The following SMCO4 variants were observed in gnomAD, a reference collection of about 807,000 sequenced individuals.
SMCO4 encodes single-pass membrane protein with coiled-coil domains 4, also known as single-pass membrane and coiled-coil domain-containing protein 4.
Under a neutral mutation model 3.6 loss-of-function variants are expected in SMCO4, and 4 were observed. The observed-to-expected ratio is 1.11, with a 90% CI of 0.54 to 2.53. The LOEUF (loss-of-function observed/expected upper bound fraction) is 2.53, where lower values mean the gene tolerates loss of function less well. Ranked by LOEUF, SMCO4 falls within the 30% of genes most tolerant of loss-of-function variation. The pLI, the probability that SMCO4 is intolerant of heterozygous loss-of-function variation, is 0.02. For missense variants in SMCO4, 70 were observed against 80.8 expected, an observed-to-expected ratio of 0.87 and a Z score of 0.51; for synonymous variants, 36 against 35.3, an observed-to-expected ratio of 1.02 and a Z score of -0.07.
In SMCO4 at chr11:93,535,940, T is replaced by C. The variant is rs962498208; in HGVS notation, c.-154+7336A>G. On this transcript the variant is annotated intron_variant, in intron 1 of 2. Coordinates refer to ENST00000298966, the MANE Select transcript of SMCO4 (RefSeq NM_020179.3). ...GTGTTTTCACATAAGATTAGGGTCT[T>C]TTTGGAAAGAATAGTTGCAGTGTTT... 3.3e-6 allele frequency: 5 copies of C among 1,495,232 alleles called. No homozygotes were observed. In the South Asian group the frequency reaches 6.6e-5, roughly 20 times the overall value. 92.6% of individuals were successfully genotyped at this position (1,495,232 alleles called of 1,614,324 possible).
At chr11:93,550,531 C>T in the SMCO4 span, among the ~76,000 whole-genome samples, 4 of 152,036 alleles carry the variant, frequency 2.6e-5, no homozygotes, top group Non-Finnish European at 5.9e-5. Context: ...TAAAAATAGC[C>T]AGGCGTGGTG....
At chr11:93,508,786 T>A (rs1948931644) in intron 1 of SMCO4, among the ~76,000 whole-genome samples, 1 of 152,084 alleles carries the variant, frequency 6.6e-6, no homozygotes, top group African/African-American at 2.4e-5. Flanking sequence ...GAAAATTGGT[T>A]CCTATTTCCA....
chr11:93,547,404 A>G (rs1388925318), upstream of SMCO4, among the ~76,000 whole-genome samples: 1 of 152,158 alleles, frequency 6.6e-6, no homozygotes, highest in Non-Finnish European at 1.5e-5. Context: ...CCACTACATA[A>G]TCTCTCGGGC....
At chr11:93,480,278 T>G (rs1948576411) in intron 2 of SMCO4, among the ~76,000 whole-genome samples, 1 of 152,120 alleles carries the variant, frequency 6.6e-6, no homozygotes, top group Non-Finnish European at 1.5e-5. Flanking sequence ...ACTCCCAGTG[T>G]GAGGATGCCA....
chr11:93,503,316 A>G (rs188140206), intron 1 of SMCO4, among the ~76,000 whole-genome samples: 25 of 152,298 alleles, frequency 1.6e-4, no homozygotes, highest in Admixed American at 1.5e-3. Flanking sequence ...TTCCCTTATA[A>G]AACTATCAGA....
chr11:93,542,810 G>C (rs1273288470), intron 1 of SMCO4, among the ~76,000 whole-genome samples: 1 of 151,576 alleles, frequency 6.6e-6, no homozygotes, highest in Non-Finnish European at 1.5e-5. Context: ...TCCACTCCCA[G>C]AGACCCTGAG....
At chr11:93,504,387 G>A (rs1948879244) in intron 1 of SMCO4, among the ~76,000 whole-genome samples, 1 of 152,200 alleles carries the variant, frequency 6.6e-6, no homozygotes, top group Non-Finnish European at 1.5e-5. Flanking sequence ...CTTTGAAGAG[G>A]ATAACCTGAA....
chr11:93,543,226 G>A, intron 1 of SMCO4, 50 bp downstream of exon 1: 1 of 144,400 alleles, frequency 6.9e-6, no homozygotes, highest in South Asian at 1.9e-4. Flanking sequence ...GCGCCCGCCC[G>A]CCGGCTCGCC....
chr11:93,480,357 A>G (rs1591299768), intron 2 of SMCO4, among the ~76,000 whole-genome samples: 1 of 151,766 alleles, frequency 6.6e-6, no homozygotes, highest in Non-Finnish European at 1.5e-5. Context: ...CACCATGACC[A>G]CCCCCAAAAA....
At chr11:93,521,424 G>A (rs554418394) in intron 1 of SMCO4, among the ~76,000 whole-genome samples, 1 of 152,076 alleles carries the variant, frequency 6.6e-6, no homozygotes, top group South Asian at 2.1e-4. Flanking sequence ...CACTAAACTC[G>A]AGCTAACTCA....
At chr11:93,494,012 T>C (rs536571567) in intron 2 of SMCO4, among the ~76,000 whole-genome samples, 2 of 152,282 alleles carry the variant, frequency 1.3e-5, no homozygotes, top group Non-Finnish European at 1.5e-5. Context: ...GATGAGGAAA[T>C]TGTGATAGCC....
upstream of SMCO4, among the ~76,000 whole-genome samples, chr11:93,543,965 TAAATAAATGAGATTCAC>T (rs1427173605): frequency 6.6e-6 from 1 of 152,176 alleles, no homozygotes. Flanking sequence ...CAGCTCAGCA[TAAATAAATGAGATTCAC>T]AATTCCCCAC....
At chr11:93,542,799 G>C (rs1219600413) in intron 1 of SMCO4, among the ~76,000 whole-genome samples, 2 of 151,350 alleles carry the variant, frequency 1.3e-5, no homozygotes, top group African/African-American at 4.9e-5. Context: ...CCGGACTCTT[G>C]TCCACTCCCA....
At chr11:93,480,588 G>A (rs201683863) in intron 2 of SMCO4, among the ~76,000 whole-genome samples, 28 of 152,178 alleles carry the variant, frequency 1.8e-4, no homozygotes, top group Non-Finnish European at 3.8e-4. Flanking sequence ...CAATATTCTC[G>A]GAGAGTAGCA....
chr11:93,484,676 C>T (rs2134571449), intron 2 of SMCO4, among the ~76,000 whole-genome samples: 1 of 147,970 alleles, frequency 6.8e-6, no homozygotes, highest in Admixed American at 7.2e-5. Flanking sequence ...ATCTGGGAAA[C>T]ACCAGGGAAT....
chr11:93,537,287 C>G (rs1253411780), intron 1 of SMCO4, among the ~76,000 whole-genome samples: 2 of 152,230 alleles, frequency 1.3e-5, no homozygotes, highest in African/African-American at 4.8e-5. Flanking sequence ...CCAAGACTGG[C>G]AGCCCTGAAG....
chr11:93,521,817 T>G (rs1591322202), intron 1 of SMCO4, among the ~76,000 whole-genome samples: 1 of 152,088 alleles, frequency 6.6e-6, no homozygotes, highest in African/African-American at 2.4e-5. Context: ...AGAGAGAACA[T>G]CCCTGCCGCC....
chr11:93,481,057 C>T (rs1311931871), intron 2 of SMCO4, among the ~76,000 whole-genome samples: 1 of 152,000 alleles, frequency 6.6e-6, no homozygotes, highest in Admixed American at 6.6e-5. Flanking sequence ...AAAAAAACAC[C>T]TACTATTACT....
chr11:93,495,061 C>T (rs1948758890), intron 2 of SMCO4, among the ~76,000 whole-genome samples: 1 of 151,950 alleles, frequency 6.6e-6, no homozygotes, highest in South Asian at 2.1e-4. Flanking sequence ...GTCTGAAATG[C>T]CCTTTGCACC....
Sources: gnomAD v4.1 joint callset for allele counts (sites outside exome capture counted in the v4.1 genomes callset) on GRCh38, gnomAD v4.1.1 for gene constraint, MANE v1.5 for transcripts, NCBI Gene and HGNC (gene_info 2026-07-23, HGNC 2026-07-21) for gene names.